The following FREM2 variants were observed in gnomAD, a reference collection of about 807,000 sequenced individuals.
FREM2 encodes FRAS1 related extracellular matrix 2, also known as FRAS1-related extracellular matrix protein 2.
FREM2 carries 119 observed loss-of-function variants against 219.9 expected under a neutral mutation model. The ratio of observed to expected loss-of-function variants is 0.54; its 90% CI spans 0.47 to 0.63. The LOEUF is 0.63. Ranked by LOEUF, FREM2 falls within the 30% of genes least tolerant of loss-of-function variation. The probability of loss-of-function intolerance (pLI) is 0.00; values close to 1 mark genes in which losing one functional copy is unlikely to be tolerated. For synonymous variants in FREM2, 1,562 were observed against 1,522.8 expected (o/e 1.03, Z -0.60); for missense variants, 4,030 against 3,993.6 (o/e 1.01, Z -0.25).
intron 6 of FREM2, among the ~76,000 whole-genome samples, chr13:38,788,630 C>T (rs1022681062): frequency 2.0e-5 from 3 of 152,132 alleles, no homozygotes; most frequent in Admixed American, 1.3e-4. Flanking sequence ...ATTCACTTAT[C>T]ACAGTTTGTC....
intron 6 of FREM2, among the ~76,000 whole-genome samples, chr13:38,786,621 G>A (rs998752899): frequency 6.6e-6 from 1 of 152,050 alleles, no homozygotes; most frequent in Non-Finnish European, 1.5e-5. Context: ...GTAGAAAGAA[G>A]TAGGTTTAAT....
In FREM2 at chr13:38,689,718, G is replaced by C; in HGVS notation, c.2374G>C (p.Glu792Gln). 6.2e-7 allele frequency: 1 copy of C among 1,613,874 alleles called. No individual in the cohort carries two copies. Among genetic ancestry groups the C allele is most frequent in the South Asian group, 1.1e-5 (1 of 91,028 alleles). ...HKIAYRPPGQ[E>Q]LGVATRVAQF... ...AATTGCTTACAGACCCCCGGGTCAA[G>C]AACTGGGCGTGGCTACTCGAGTGGC... The change falls in exon 1 of 24, where the codon GAA becomes CAA. Residue 792 changes from glutamate (E) to glutamine (Q), a missense_variant. Around this residue, in one of 2 missense-constraint regions of FREM2, gnomAD observed 3,102 missense variants for 2,950.7 expected, o/e 1.05. Transcript: ENST00000280481.
intron 13 of FREM2, among the ~76,000 whole-genome samples, chr13:38,858,699 G>C (rs1447318008): frequency 6.6e-6 from 1 of 152,170 alleles, no homozygotes; most frequent in Non-Finnish European, 1.5e-5. Flanking sequence ...ACAAGGCAGA[G>C]ATAATTTGGC....
intron 18 of FREM2, among the ~76,000 whole-genome samples, chr13:38,875,517 T>C (rs1275416075): frequency 6.6e-6 from 1 of 152,246 alleles, no homozygotes; most frequent in Non-Finnish European, 1.5e-5. Flanking sequence ...TCTACATGCC[T>C]ACCTTTCTAA....
At chr13:38,766,338 G>T (rs940057837) in intron 3 of FREM2, among the ~76,000 whole-genome samples, 1 of 152,014 alleles carries the variant, frequency 6.6e-6, no homozygotes, top group Non-Finnish European at 1.5e-5. Context: ...TTCTACAAAG[G>T]CTCATAGGCT....
chr13:38,879,839 T>C (rs190554592), intron 23 of FREM2, among the ~76,000 whole-genome samples: 48 of 152,288 alleles, frequency 3.2e-4, no homozygotes, highest in Non-Finnish European at 5.6e-4. Flanking sequence ...AATTGATTTT[T>C]TCCCCCTATG....
chr13:38,690,981 C>T lies in FREM2; in HGVS notation c.3637C>T (p.Leu1213Phe). ...GMSLVIDTPI[L>F]NAADADVPLD... ...GAGTCTGGTAATTGATACACCCATT[C>T]TCAATGCTGCTGATGCTGATGTTCC... The change falls in exon 1 of 24, where the codon CTC becomes TTC. Residue 1213 changes from leucine to phenylalanine, a missense_variant. Physicochemically the swap from Leu to Phe is conservative, Grantham distance 22. Transcript: ENST00000280481. The T allele has an allele frequency of 6.2e-7, 1 of 1,614,058 alleles. No individual in the cohort carries two copies. The highest frequency in any genetic ancestry group is 8.5e-7 in the Non-Finnish European group (1 of 1,179,940).
chr13:38,688,138 G>T lies in FREM2; in HGVS notation c.794G>T (p.Arg265Leu). The T allele has an allele frequency of 6.2e-7, 1 of 1,613,404 alleles. No individual in the cohort carries two copies. Among genetic ancestry groups the T allele is most frequent in the South Asian group, 1.1e-5 (1 of 91,084 alleles). The change falls in exon 1 of 24, where the codon CGC becomes CTC. Residue 265 changes from arginine (R) to leucine (L), a missense_variant. This residue lies in a region of FREM2 where 3,102 missense variants were observed against 2,950.7 expected (regional missense o/e 1.05). Transcript: ENST00000280481. ...AAAGCTTTCCAGGAACTAGGCGTGC[G>T]CTATCGCCACACAGCCGCCAGTCGC... Reference protein sequence around the residue: ...DCKAFQELGVRYRHTAASRSP... With the variant: ...DCKAFQELGVLYRHTAASRSP...
Position 38,884,017 on chromosome 13 carries a change from A to G in FREM2, c.*3230A>G, listed in dbSNP as rs1403977039. The stretch of plus-strand genomic sequence containing the variant: ...AAGATAGGCCCACTTTATTCCAAGA[A>G]TAACACTTAGCACATAAACTCTTCT... On this transcript the variant is annotated 3_prime_UTR_variant, in exon 24 of 24. Coordinates refer to ENST00000280481, the MANE Select transcript of FREM2 (RefSeq NM_207361.6). The G allele has an allele frequency of 6.6e-6, 1 of 152,204 alleles. No homozygotes were observed. The highest frequency in any genetic ancestry group is 1.5e-5 in the Non-Finnish European group (1 of 68,026). The allele number at this position is 152,204 out of a possible 1,614,324, so 9.4% of individuals were successfully genotyped here. A position where few individuals can be genotyped will look rare whatever the true frequency, so the allele number is the denominator to read the frequency against.
At chr13:38,755,095 GT>G (rs1297950317) in intron 2 of FREM2, among the ~76,000 whole-genome samples, 1 of 151,922 alleles carries the variant, frequency 6.6e-6, no homozygotes, top group African/African-American at 2.4e-5. Context: ...TAGATACAGG[GT>G]TTCACCATGT....
chr13:38,694,137 C>T (rs1870011429), intron 1 of FREM2, among the ~76,000 whole-genome samples: 1 of 152,160 alleles, frequency 6.6e-6, no homozygotes, highest in African/African-American at 2.4e-5. Flanking sequence ...TCCAACAGCT[C>T]ACAATATTAG....
At chr13:38,828,858 A>G (rs1876398915) in intron 6 of FREM2, among the ~76,000 whole-genome samples, 1 of 152,234 alleles carries the variant, frequency 6.6e-6, no homozygotes, top group South Asian at 2.1e-4. Context: ...ACAATCCCCT[A>G]TGGATGGGCA....
At chr13:38,725,315 GACAAGTAA>G (rs1871471589) in intron 2 of FREM2, among the ~76,000 whole-genome samples, 1 of 152,140 alleles carries the variant, frequency 6.6e-6, no homozygotes, top group African/African-American at 2.4e-5. Flanking sequence ...ACAAGTAGTA[GACAAGTAA>G]ACAGGTAAGG....
At chr13:38,731,962 A>T (rs1024226106) in intron 2 of FREM2, among the ~76,000 whole-genome samples, 3 of 152,206 alleles carry the variant, frequency 2.0e-5, no homozygotes, top group African/African-American at 7.2e-5. Flanking sequence ...TATAAAAAAG[A>T]TGATTCTGAA....
At chr13:38,807,189 T>TATATACATATATA (rs1555268805) in intron 6 of FREM2, among the ~76,000 whole-genome samples, 1 of 45,378 alleles carries the variant, frequency 2.2e-5, no homozygotes, top group Non-Finnish European at 4.5e-5. Context: ...CTTGTCTCTG[T>TATATACATATATA]TATATATATA....
intron 17 of FREM2, 42 bp from the exon 18 acceptor site, chr13:38,874,440 T>C: frequency 6.7e-7 from 1 of 1,500,524 alleles, no homozygotes. Flanking sequence ...AAGGGGTCTC[T>C]GGCTACATAT....
rs755706950 is a variant in FREM2, at chr13:38,691,121, G to T, written c.3777G>T (p.Glu1259Asp). The T allele has an allele frequency of 7.4e-6, 12 of 1,613,964 alleles. No individual in the cohort carries two copies. The highest frequency in any genetic ancestry group is 1.6e-4 in the Middle Eastern group (1 of 6,084). Residue 1259 changes from glutamate to aspartate, a missense_variant, in exon 1 of 24, where the codon GAG becomes GAT. By Grantham distance (45) the Glu-to-Asp change is conservative. Coordinates refer to ENST00000280481, the MANE Select transcript of FREM2 (RefSeq NM_207361.6). ...VESFTLDQII[E>D]SSSIIYEHDD... Reference sequence around the variant, plus strand: ...GCTTCACCTTGGATCAGATCATAGAGAGTTCCAGCATTATTTATGAGCATG... The same window carrying T: ...GCTTCACCTTGGATCAGATCATAGATAGTTCCAGCATTATTTATGAGCATG...
At chr13:38,842,399 A>C (rs1416295499) in intron 6 of FREM2, among the ~76,000 whole-genome samples, 1 of 152,132 alleles carries the variant, frequency 6.6e-6, no homozygotes, top group African/African-American at 2.4e-5. Flanking sequence ...TGGAAATGAG[A>C]CAGAGAGAAA....
rs1310850733 is a variant in FREM2, at chr13:38,840,424, T to C, written c.6020-6149T>C. On this transcript the variant is annotated intron_variant, in intron 6 of 23. Coordinates refer to ENST00000280481, the MANE Select transcript of FREM2 (RefSeq NM_207361.6). ...CAGCCACCTTGCCGGGATTTCTCCTTTTTTTTTTTTTTTTTAATGCGGAGT... is the reference window on the plus strand; with the variant it reads ...CAGCCACCTTGCCGGGATTTCTCCTCTTTTTTTTTTTTTTTAATGCGGAGT... 8.4e-3 allele frequency among the ~76,000 whole-genome samples: 683 copies of C among 80,918 alleles called. 7 individuals carry two copies. The highest frequency in any genetic ancestry group is 0.057 in the African/African-American group (661 of 11,658). The allele number at this position is 80,918 out of a possible 152,430, so 53.1% of individuals were successfully genotyped here. A position where few individuals can be genotyped will look rare whatever the true frequency, so the allele number is the denominator to read the frequency against.
Sources: allele counts gnomAD v4.1 joint callset (sites outside exome capture counted in the v4.1 genomes callset), GRCh38; gene constraint gnomAD v4.1.1; regional missense constraint gnomAD v4.1.1; transcripts MANE v1.5; gene names NCBI Gene and HGNC (gene_info 2026-07-23, HGNC 2026-07-21).